WNT9B: variants seen among roughly 807,000 people sequenced by gnomAD.
The protein encoded by WNT9B is Wnt family member 9B, also known as protein Wnt-9b.
A neutral mutation model predicts 30.2 loss-of-function variants in WNT9B; 12 were observed. That is an observed-to-expected ratio of 0.40 (90% CI 0.26 to 0.64). The LOEUF is 0.64. WNT9B is among the 30% of genes least tolerant of loss of function. The pLI is 0.42. For missense variants in WNT9B, 442 were observed against 485.2 expected (o/e 0.91, Z 0.84); for synonymous variants, 218 against 216.9 (o/e 1.01, Z -0.05).
At chr17:46,883,225 G>A (rs1315380443), downstream of WNT9B, among the ~76,000 whole-genome samples, 6 of 149,242 alleles carry the variant, frequency 4.0e-5, no homozygotes, top group East Asian at 2.0e-4. Context: ...CTCGTGATCC[G>A]CCCACCTCAG....
intron 1 of WNT9B, among the ~76,000 whole-genome samples, chr17:46,845,068 G>C (rs998019117): frequency 6.6e-6 from 1 of 152,054 alleles, no homozygotes; most frequent in Non-Finnish European, 1.5e-5. Flanking sequence ...AGTCTGGTCT[G>C]GAACTCCTGA....
In WNT9B at chr17:46,873,377, G is replaced by A. The variant is rs559988630; in HGVS notation, c.334+604G>A. Among the ~76,000 whole-genome samples, 6 of 152,182 alleles carry A rather than the reference G, an allele frequency of 3.9e-5. No individual in the cohort carries two copies. The East Asian group carries it at 1.2e-3, about 29-fold the overall frequency. On this transcript the variant is annotated intron_variant, in intron 2 of 3. Transcript: ENST00000290015. ...TGCCAGATCCTGGAGGTTCAGAGCT[G>A]AACCAGACCCAGCTACCCTCGGGAA...
At chr17:46,860,668 C>T (rs1314575164) in intron 1 of WNT9B, among the ~76,000 whole-genome samples, 1 of 152,160 alleles carries the variant, frequency 6.6e-6, no homozygotes, top group Non-Finnish European at 1.5e-5. Flanking sequence ...CTTACAGCGT[C>T]CCACGTTTAG....
chr17:46,875,464 A>T (rs1028585678), intron 3 of WNT9B, 98 bp downstream of exon 3: 93 of 1,408,654 alleles, frequency 6.6e-5, no homozygotes, highest in Non-Finnish European at 8.3e-5. Context: ...CCCAAAATAC[A>T]TGAAGAGCCG....
chr17:46,872,480 C>G, intron 1 of WNT9B, 37 bp from the exon 2 acceptor site: 1 of 1,456,956 alleles, frequency 6.9e-7, no homozygotes. Flanking sequence ...CCACCATCCC[C>G]AAGGCTCACC....
Position 46,872,556 on chromosome 17 carries a change from G to A in WNT9B, c.117G>A (p.Leu39=). The change falls in exon 2 of 4, where the codon TTG becomes TTA. Residue 39 remains leucine (L), a synonymous_variant. Transcript: ENST00000290015. ...GREVLTPFPG[L]GTAAAPAQGG... ...AAGTCCTGACGCCCTTCCCAGGATT[G>A]GGCACTGCGGCAGCCCCGGCACAGG... 1 of 1,583,950 alleles carries A rather than the reference G, an allele frequency of 6.3e-7. No individual in the cohort carries two copies. The highest frequency in any genetic ancestry group is 8.6e-7 in the Non-Finnish European group (1 of 1,163,018).
intron 1 of WNT9B, among the ~76,000 whole-genome samples, chr17:46,837,032 T>G (rs1441283926): frequency 6.6e-6 from 1 of 152,044 alleles, no homozygotes. Context: ...AACCTCCACC[T>G]CCCAGGTTCA....
Position 46,877,087 on chromosome 17 carries a change from G to A in WNT9B, c.*369G>A, listed in dbSNP as rs2085358559. ...TGCTTCCTGGGATGAATGGCTTGGA[G>A]CCAGCATGTTCTTGGGAGGTGAACT... On this transcript the variant is annotated 3_prime_UTR_variant, in exon 4 of 4. Transcript: ENST00000290015. 2 of 1,057,084 alleles carry A rather than the reference G, an allele frequency of 1.9e-6. No individual in the cohort carries two copies. Among genetic ancestry groups the A allele is most frequent in the East Asian group, 6.8e-5 (1 of 14,692 alleles). 65.5% of individuals were successfully genotyped at this position (1,057,084 alleles called of 1,614,324 possible).
At position 46,851,698 on chromosome 17, in the gene WNT9B, C is replaced by T. The variant is rs981743073; in HGVS notation, c.60C>T (p.Ala20=). The change falls in exon 1 of 4, where the codon GCC becomes GCT. Residue 20 remains alanine, a synonymous_variant. Coordinates refer to ENST00000290015, the MANE Select transcript of WNT9B (RefSeq NM_003396.3). The surrounding 1 kb of genome is among the most constrained non-coding windows in gnomAD (Gnocchi z 4.3). ...AGLCLLALPA[A]AASYFGLTGR... is the part of the protein sequence containing the mutation. The stretch of plus-strand genomic sequence containing the variant: ...TCTGCCTGCTGGCGCTGCCCGCCGC[C>T]GCCGCCTCCTACTTCGGGTCAGTGC... 41 of 1,310,684 alleles carry T rather than the reference C, an allele frequency of 3.1e-5. No homozygotes were observed. The highest frequency in any genetic ancestry group is 7.7e-5 in the African/African-American group (5 of 64,910). 81.2% of individuals were successfully genotyped at this position (1,310,684 alleles called of 1,614,324 possible).
At chr17:46,883,155 T>C (rs188106922), downstream of WNT9B, among the ~76,000 whole-genome samples, 155 of 152,070 alleles carry the variant, frequency 1.0e-3, no homozygotes, top group African/African-American at 3.5e-3. Context: ...ATTTTGTTTT[T>C]GTATTTTTAG....
chr17:46,876,186 C>T (rs1291344558), intron 3 of WNT9B, 59 bp from the exon 4 acceptor site: 4 of 1,479,652 alleles, frequency 2.7e-6, no homozygotes, highest in African/African-American at 1.4e-5. Flanking sequence ...GCTCTGGGGG[C>T]AGGCTCTGGC....
At chr17:46,885,150 G>A, downstream of WNT9B, 1 of 355,538 alleles carries the variant, frequency 2.8e-6, no homozygotes, top group South Asian at 2.0e-5. Flanking sequence ...CACCACGCCT[G>A]ACTAATTTTG....
At chr17:46,835,420 C>T (rs1173619687) in intron 1 of WNT9B, among the ~76,000 whole-genome samples, 1 of 152,052 alleles carries the variant, frequency 6.6e-6, no homozygotes, top group East Asian at 1.9e-4. Flanking sequence ...ACCGTGTTAG[C>T]CAGGATGGTA....
intron 1 of WNT9B, among the ~76,000 whole-genome samples, chr17:46,835,139 A>G (rs1052632478): frequency 1.3e-5 from 2 of 151,358 alleles, no homozygotes; most frequent in African/African-American, 4.9e-5. Flanking sequence ...GCACTACAGG[A>G]ACACACCACC....
At chr17:46,873,824 T>C in intron 2 of WNT9B, among the ~76,000 whole-genome samples, 1 of 151,980 alleles carries the variant, frequency 6.6e-6, no homozygotes, top group East Asian at 1.9e-4. Flanking sequence ...ACCCCATCTC[T>C]ACTAAAAATA....
chr17:46,873,792 C>A (rs1417505508), intron 2 of WNT9B, among the ~76,000 whole-genome samples: 2 of 150,932 alleles, frequency 1.3e-5, no homozygotes. Flanking sequence ...GAGTTTGTAA[C>A]CAGCGTGGTC....
At chr17:46,839,960 C>CTT in intron 1 of WNT9B, among the ~76,000 whole-genome samples, 2 of 145,572 alleles carry the variant, frequency 1.4e-5, no homozygotes. Context: ...TTCTTTCTTT[C>CTT]TTTCTTTCTT....
intron 1 of WNT9B, among the ~76,000 whole-genome samples, chr17:46,859,896 C>T (rs1467961235): frequency 6.6e-6 from 1 of 152,044 alleles, no homozygotes; most frequent in Non-Finnish European, 1.5e-5. Context: ...AGTGTGCAGG[C>T]ATTGAAAATT....
chr17:46,884,037 T>C (rs1400288947), downstream of WNT9B, among the ~76,000 whole-genome samples: 6 of 151,862 alleles, frequency 4.0e-5, no homozygotes, highest in Non-Finnish European at 8.8e-5. Context: ...AGTGGAGTGG[T>C]GGAGGCCGGG....
Sources: allele counts gnomAD v4.1 joint callset (sites outside exome capture counted in the v4.1 genomes callset), GRCh38; gene constraint gnomAD v4.1.1; non-coding constraint Gnocchi (gnomAD v3.1); transcripts MANE v1.5; gene names NCBI Gene and HGNC (gene_info 2026-07-23, HGNC 2026-07-21).